LAMC3: variants seen among roughly 807,000 people sequenced by gnomAD.
LAMC3 encodes laminin subunit gamma 3, also known as laminin subunit gamma-3.
A neutral mutation model predicts 173.8 loss-of-function variants in LAMC3; 128 were observed. That is an observed-to-expected ratio of 0.74 (90% CI 0.64 to 0.85). The LOEUF (loss-of-function observed/expected upper bound fraction) is 0.85, where lower values mean the gene tolerates loss of function less well. Among genes scored for constraint, LAMC3 ranks in the 40% least tolerant of loss-of-function variants. The pLI is 0.00. For missense variants in LAMC3, 2,022 were observed against 2,156.0 expected (o/e 0.94, Z 1.23); for synonymous variants, 897 against 909.1 (o/e 0.99, Z 0.24).
At chr9:131,069,073 G>C in intron 16 of LAMC3, 23 bp downstream of exon 16, 2 of 1,612,568 alleles carry the variant, frequency 1.2e-6, no homozygotes, top group Admixed American at 1.7e-5. Flanking sequence ...GGTCCTTCCC[G>C]GGCTGCCCTG....
Position 131,032,192 on chromosome 9 carries a change from A to AGGCAGGGT in LAMC3, c.809+25_809+32dup, listed in dbSNP as rs763738081. 4 of 1,386,708 alleles carry AGGCAGGGT rather than the reference A, an allele frequency of 2.9e-6. No individual in the cohort carries two copies. Among genetic ancestry groups the AGGCAGGGT allele is most frequent in the Non-Finnish European group, 3.9e-6 (4 of 1,038,488 alleles). The allele number at this position is 1,386,708 out of a possible 1,614,324, so 85.9% of individuals were successfully genotyped here. A position where few individuals can be genotyped will look rare whatever the true frequency, so the allele number is the denominator to read the frequency against. On this transcript the variant is annotated intron_variant, in intron 3 of 27. Coordinates refer to ENST00000361069, the MANE Select transcript of LAMC3 (RefSeq NM_006059.4). The stretch of plus-strand genomic sequence containing the variant: ...GGGCGGCAGGTAGGAGGGAGGAGGG[A>AGGCAGGGT]GGCAGGGTGGCAGGGCTCCAGGACC...
chr9:131,045,515 C>G lies in LAMC3; in HGVS notation c.1383-9C>G. On this transcript the variant is annotated splice_polypyrimidine_tract_variant and intron_variant, in intron 7 of 27. Transcript: ENST00000361069. ...TGGCCCTCGTGGGCATGTCCTGCCT[C>G]CATTTCAGATGTCGCCCGGGGACCT... The G allele has an allele frequency of 6.2e-7, 1 of 1,613,358 alleles. No homozygotes were observed. The highest frequency in any genetic ancestry group is 1.7e-4 in the Middle Eastern group (1 of 6,060).
intron 20 of LAMC3, among the ~76,000 whole-genome samples, chr9:131,074,423 C>T (rs551724453): frequency 2.1e-4 from 32 of 150,572 alleles, no homozygotes; most frequent in African/African-American, 4.4e-4. Flanking sequence ...AGGCTGGGTG[C>T]GGTGGCTCAC....
chr9:131,087,350 C>G lies in LAMC3; in HGVS notation c.4231-126C>G, dbSNP rs1316452364. On this transcript the variant is annotated intron_variant, in intron 25 of 27. Transcript: ENST00000361069. ...GCATTCAGTACATATTTGTTGCGTG[C>G]ATGAATGAATGAATGATCTGCCTGG... 16 of 1,213,326 alleles carry G rather than the reference C, an allele frequency of 1.3e-5. 1 individual carries two copies. The highest frequency in any genetic ancestry group is 1.8e-5 in the Non-Finnish European group (15 of 815,270). The allele number at this position is 1,213,326 out of a possible 1,614,324, so 75.2% of individuals were successfully genotyped here.
Position 131,052,683 on chromosome 9 carries a change from A to T in LAMC3, c.1823A>T (p.His608Leu), listed in dbSNP as rs1564377088. ...GHPREVELRF[H>L]LQETSEDVAP... is the part of the protein sequence containing the mutation. ...CCCAGGGAGGTAGAGCTCAGGTTCC[A>T]GTAAGTATCCCCTTCTGTCCTGAGA... The change falls in exon 10 of 28, where the codon CAC (histidine) becomes CTC (leucine). Residue 608 changes from histidine to leucine, a missense_variant and splice_region_variant. Coordinates refer to ENST00000361069, the MANE Select transcript of LAMC3 (RefSeq NM_006059.4). The T allele has an allele frequency of 6.2e-7, 1 of 1,612,950 alleles. No homozygotes were observed. Among genetic ancestry groups the T allele is most frequent in the Admixed American group, 1.7e-5 (1 of 59,970 alleles).
At chr9:131,088,225 G>T (rs532202113) in intron 27 of LAMC3, among the ~76,000 whole-genome samples, 2 of 152,252 alleles carry the variant, frequency 1.3e-5, no homozygotes, top group Admixed American at 6.5e-5. Context: ...GCTGGTCTGG[G>T]ATCAGACTAA....
At chr9:131,090,062 G>A (rs1830397281) in intron 27 of LAMC3, among the ~76,000 whole-genome samples, 1 of 152,198 alleles carries the variant, frequency 6.6e-6, no homozygotes, top group East Asian at 1.9e-4. Flanking sequence ...TTCCCAAAAT[G>A]CTGGGATTAC....
At chr9:131,013,114 A>G (rs1438706322) in intron 1 of LAMC3, among the ~76,000 whole-genome samples, 1 of 152,218 alleles carries the variant, frequency 6.6e-6, no homozygotes, top group Non-Finnish European at 1.5e-5. Context: ...GCGGCATCCC[A>G]AACCGGCATG....
intron 17 of LAMC3, 140 bp downstream of exon 17, chr9:131,069,990 C>A: frequency 2.3e-6 from 2 of 883,964 alleles, no homozygotes; most frequent in Non-Finnish European, 3.6e-6. Context: ...TCTCCCTGTG[C>A]CCACCCAGCT....
In LAMC3 at chr9:131,079,307, T is replaced by A. The variant is rs769991892; in HGVS notation, c.3927+9T>A. 3.1e-6 allele frequency: 5 copies of A among 1,613,416 alleles called. No individual in the cohort carries two copies. Among genetic ancestry groups the A allele is most frequent in the Non-Finnish European group, 4.2e-6 (5 of 1,179,442 alleles). On this transcript the variant is annotated intron_variant, in intron 23 of 27. Transcript: ENST00000361069. ...CAGAACCCCTCACAAAGGTCAGCTC[T>A]TGTGCTTTGAAGCAGGGGACCTGGG...
chr9:131,051,229 C>A (rs10793984), intron 9 of LAMC3, among the ~76,000 whole-genome samples: 72,017 of 151,842 alleles, frequency 0.47, 17,197 homozygotes, highest in African/African-American at 0.52. Flanking sequence ...AATATAAACA[C>A]TTTTTTTCCC....
At position 131,057,124 on chromosome 9, in the gene LAMC3, A is replaced by G. The variant is rs1448950041; in HGVS notation, c.2135A>G (p.His712Arg). The change falls in exon 12 of 28, where the codon CAT becomes CGT. Residue 712 changes from histidine (H) to arginine (R), a missense_variant. Coordinates refer to ENST00000361069, the MANE Select transcript of LAMC3 (RefSeq NM_006059.4). ...TGTGTCCCCTGCACCTGTAACCAGC[A>G]TGGCACCTGTGACCCCAACACAGGT... is the stretch of plus-strand genomic sequence containing the variant. ...ASCVPCTCNQ[H>R]GTCDPNTGIC... 6.2e-7 allele frequency: 1 copy of G among 1,614,114 alleles called. No homozygotes were observed. The highest frequency in any genetic ancestry group is 1.3e-5 in the African/African-American group (1 of 75,066).
At chr9:131,011,806 G>A (rs890603357) in intron 1 of LAMC3, among the ~76,000 whole-genome samples, 9 of 152,106 alleles carry the variant, frequency 5.9e-5, no homozygotes, top group Non-Finnish European at 1.0e-4. Flanking sequence ...TGTGTCCTGG[G>A]AACCCAGGGG....
Position 131,041,740 on chromosome 9 carries a change from G to T in LAMC3, c.1382+5G>T. The T allele has an allele frequency of 2.5e-6, 4 of 1,612,240 alleles. No homozygotes were observed. Among genetic ancestry groups the T allele is most frequent in the Non-Finnish European group, 3.4e-6 (4 of 1,179,502 alleles). On this transcript the variant is annotated splice_donor_5th_base_variant and intron_variant, in intron 7 of 27. Transcript: ENST00000361069. ...GGAAGGCAACCTATGTGACAGGTTT[G>T]TGAGCTAATCCAGCAGTAAGCTTGC...
chr9:131,055,066 T>A (rs1834375193), intron 11 of LAMC3, among the ~76,000 whole-genome samples: 1 of 152,142 alleles, frequency 6.6e-6, no homozygotes, highest in African/African-American at 2.4e-5. Flanking sequence ...GTTTTCCCCA[T>A]TACAACCGTG....
At chr9:131,070,174 A>C (rs1484793387) in intron 17 of LAMC3, among the ~76,000 whole-genome samples, 1 of 152,220 alleles carries the variant, frequency 6.6e-6, no homozygotes, top group Non-Finnish European at 1.5e-5. Context: ...AAGAGGGTTA[A>C]CAGGAGGTGA....
At chr9:131,089,457 A>G (rs1588172738) in intron 27 of LAMC3, among the ~76,000 whole-genome samples, 1 of 151,958 alleles carries the variant, frequency 6.6e-6, no homozygotes, top group Non-Finnish European at 1.5e-5. Flanking sequence ...GGCTCACTGC[A>G]GCCTCAAACT....
intron 23 of LAMC3, 29 bp downstream of exon 23, chr9:131,079,327 C>G (rs1830193821): frequency 6.2e-7 from 1 of 1,613,228 alleles, no homozygotes; most frequent in Non-Finnish European, 8.5e-7. Context: ...AAGCAGGGGA[C>G]CTGGGAGAGG....
chr9:131,039,013 C>A lies in LAMC3; in HGVS notation c.1126C>A (p.Pro376Thr). Reference sequence around the variant, plus strand: ...TCAGGAGAATTTCTATCACTGGGACCCGCGGATGCCATGCCAGCCCTGTGA... The same window carrying A: ...TCAGGAGAATTTCTATCACTGGGACACGCGGATGCCATGCCAGCCCTGTGA... The part of the protein sequence containing the change: ...RCQENFYHWD[P>T]RMPCQPCDCQ... The change falls in exon 5 of 28, where the codon CCG becomes ACG. Residue 376 changes from proline to threonine, a missense_variant. Coordinates refer to ENST00000361069, the MANE Select transcript of LAMC3 (RefSeq NM_006059.4). 2 of 1,613,602 alleles carry A rather than the reference C, an allele frequency of 1.2e-6. No individual in the cohort carries two copies. Among genetic ancestry groups the A allele is most frequent in the Non-Finnish European group, 1.7e-6 (2 of 1,179,998 alleles).
Sources: allele counts gnomAD v4.1 joint callset (sites outside exome capture counted in the v4.1 genomes callset), GRCh38; gene constraint gnomAD v4.1.1; transcripts MANE v1.5; gene names NCBI Gene and HGNC (gene_info 2026-07-23, HGNC 2026-07-21).